The following AGPAT4 variants were observed in gnomAD, a reference collection of about 807,000 sequenced individuals.
The protein encoded by AGPAT4 is 1-acyl-sn-glycerol-3-phosphate acyltransferase delta.
Under a neutral mutation model 48.0 loss-of-function variants are expected in AGPAT4, and 15 were observed. The ratio of observed to expected loss-of-function variants is 0.31; its 90% confidence interval spans 0.21 to 0.48. The LOEUF (loss-of-function observed/expected upper bound fraction) is 0.48. Among genes scored for constraint, AGPAT4 ranks in the 20% least tolerant of loss-of-function variants. The pLI, the probability that AGPAT4 is intolerant of heterozygous loss-of-function variation, is 0.99. For synonymous variants in AGPAT4, 178 were observed against 198.7 expected (o/e 0.90, Z 0.88); for missense variants, 314 against 482.5 (o/e 0.65, Z 3.27).
rs1400211455 is a variant in AGPAT4 at position 161,235,723 on chromosome 6, G to A, written c.-89-3421C>T. On this transcript the variant is annotated intron_variant, in intron 1 of 8. Transcript: ENST00000320285. The surrounding 1 kb of genome is among the most constrained non-coding windows in gnomAD (Gnocchi z 6.2). The stretch of plus-strand genomic sequence containing the variant: ...ACAAGGCAGGAGGAAGAGCGAGAGA[G>A]AGAGAAGGGGGAGGTGCCACACACT... 6.6e-6 allele frequency among the ~76,000 whole-genome samples: 1 copy of A among 152,126 alleles called. No individual in the cohort carries two copies. Among genetic ancestry groups the A allele is most frequent in the Non-Finnish European group, 1.5e-5 (1 of 68,030 alleles).
intron 1 of AGPAT4, among the ~76,000 whole-genome samples, chr6:161,268,783 C>G (rs1448789361): frequency 1.3e-5 from 2 of 152,118 alleles, no homozygotes; most frequent in Non-Finnish European, 2.9e-5. Flanking sequence ...TCATGTTGTC[C>G]ATATAATTTC....
Position 161,184,824 on chromosome 6 carries a change from C to G in AGPAT4, c.179-18407G>C, listed in dbSNP as rs1780722298. On this transcript the variant is annotated intron_variant, in intron 2 of 8. Transcript: ENST00000320285. The surrounding 1 kb of genome is among the most constrained non-coding windows in gnomAD (Gnocchi z 4.8). The stretch of plus-strand genomic sequence containing the variant: ...ATACCATCAGCCCTTAGATTTTGTT[C>G]TCTAAACACCGTACCTGTGGTGTGT... Among the ~76,000 whole-genome samples, 1 of 152,122 alleles carries G rather than the reference C, an allele frequency of 6.6e-6. No individual in the cohort carries two copies. The highest frequency in any genetic ancestry group is 2.1e-4 in the South Asian group (1 of 4,824).
Position 161,243,508 on chromosome 6 carries a change from C to A in AGPAT4, c.-89-11206G>T, listed in dbSNP as rs537878352. On this transcript the variant is annotated intron_variant, in intron 1 of 8. Coordinates refer to ENST00000320285, the MANE Select transcript of AGPAT4 (RefSeq NM_020133.3). The surrounding 1 kb of genome is among the most constrained non-coding windows in gnomAD (Gnocchi z 4.8). ...GTGTGCCCAGAGCCTGCAGGAGAGG[C>A]GCTGTTTCCTAGCTGTGCAATCTTG... Among the ~76,000 whole-genome samples the A allele has an allele frequency of 1.2e-4, 19 of 152,196 alleles. No individual in the cohort carries two copies. Among genetic ancestry groups the A allele is most frequent in the Non-Finnish European group, 2.5e-4 (17 of 68,034 alleles).
rs767170767 is a variant in AGPAT4, at chr6:161,144,134, C to T, written c.843+2390G>A. On this transcript the variant is annotated intron_variant, in intron 7 of 8. Coordinates refer to ENST00000320285, the MANE Select transcript of AGPAT4 (RefSeq NM_020133.3). This position sits in a 1 kb window ranked among gnomAD's most constrained non-coding sequence, Gnocchi z 6.6. Reference sequence around the variant, plus strand: ...AAGGAATTGTCCCTTGATGTCTATTCACCACTCTGCTTGGAGAAACCATGC... The same window carrying T: ...AAGGAATTGTCCCTTGATGTCTATTTACCACTCTGCTTGGAGAAACCATGC... The T allele has an allele frequency of 7.5e-6, 4 of 533,236 alleles. No individual in the cohort carries two copies. Among genetic ancestry groups the T allele is most frequent in the South Asian group, 2.8e-5 (2 of 71,544 alleles). The allele number at this position is 533,236 out of a possible 1,614,324, so 33.0% of individuals were successfully genotyped here. A position where few individuals can be genotyped will look rare whatever the true frequency, so the allele number is the denominator to read the frequency against.
rs1431653378 is a variant in AGPAT4 at position 161,143,455 on chromosome 6, TGAA to T, written c.843+3066_843+3068del. On this transcript the variant is annotated intron_variant, in intron 7 of 8. Transcript: ENST00000320285. This position sits in a 1 kb window ranked among gnomAD's most constrained non-coding sequence, Gnocchi z 4.7. Reference sequence around the variant, plus strand: ...CTTCTGCAAATGTCAAATTACAACCTGAAGAAGTACTTTAAGTTAGAAATGAAA... The same window carrying T: ...CTTCTGCAAATGTCAAATTACAACCTGAAGTACTTTAAGTTAGAAATGAAA... Among the ~76,000 whole-genome samples, 4 of 152,208 alleles carry T rather than the reference TGAA, an allele frequency of 2.6e-5. No homozygotes were observed. Among genetic ancestry groups the T allele is most frequent in the Non-Finnish European group, 5.9e-5 (4 of 68,044 alleles).
intron 1 of AGPAT4, among the ~76,000 whole-genome samples, chr6:161,237,670 T>C (rs1399611285): frequency 6.6e-6 from 1 of 152,244 alleles, no homozygotes; most frequent in African/African-American, 2.4e-5. Context: ...TCTATTACTA[T>C]ATCTATAACT....
At position 161,216,616 on chromosome 6, in the gene AGPAT4, G is replaced by A. The variant is rs1316602501; in HGVS notation, c.178+15420C>T. Among the ~76,000 whole-genome samples the A allele has an allele frequency of 6.6e-6, 1 of 152,094 alleles. No individual in the cohort carries two copies. Among genetic ancestry groups the A allele is most frequent in the African/African-American group, 2.4e-5 (1 of 41,400 alleles). On this transcript the variant is annotated intron_variant, in intron 2 of 8. Coordinates refer to ENST00000320285, the MANE Select transcript of AGPAT4 (RefSeq NM_020133.3). The surrounding 1 kb of genome is among the most constrained non-coding windows in gnomAD (Gnocchi z 4.8). ...TCACACTGCTGCTGAAGACATGCCC[G>A]AAACGAAACCAAAAAAGGTTTAAAA...
At position 161,225,949 on chromosome 6, in the gene AGPAT4, C is replaced by T. The variant is rs994894697; in HGVS notation, c.178+6087G>A. 6.6e-6 allele frequency among the ~76,000 whole-genome samples: 1 copy of T among 152,108 alleles called. No homozygotes were observed. The highest frequency in any genetic ancestry group is 2.4e-5 in the African/African-American group (1 of 41,416). ...GTCTTTTAAATTCCTTTCCATCCGA[C>T]TTGACTCGCCAAAGCCACTGTTGTT... is the stretch of plus-strand genomic sequence containing the variant. On this transcript the variant is annotated intron_variant, in intron 2 of 8. Transcript: ENST00000320285. The surrounding 1 kb of genome is among the most constrained non-coding windows in gnomAD (Gnocchi z 5.0).
Position 161,148,251 on chromosome 6 carries a change from G to A in AGPAT4, c.767+936C>T, listed in dbSNP as rs749011. 1.3e-5 allele frequency among the ~76,000 whole-genome samples: 2 copies of A among 152,140 alleles called. No homozygotes were observed. The highest frequency in any genetic ancestry group is 2.9e-5 in the Non-Finnish European group (2 of 68,034). On this transcript the variant is annotated intron_variant, in intron 6 of 8. Transcript: ENST00000320285. This position sits in a 1 kb window ranked among gnomAD's most constrained non-coding sequence, Gnocchi z 5.5. ...ACAGAACTGAGTCACAGGGCAGACT[G>A]TTGCCTGCACCATCAGACAAGAAGT...
rs1336220582 is a variant in AGPAT4, at chr6:161,246,408, G to A, written c.-89-14106C>T. Among the ~76,000 whole-genome samples, 3 of 149,370 alleles carry A rather than the reference G, an allele frequency of 2.0e-5. No homozygotes were observed. The East Asian group carries it at 5.8e-4, about 29-fold the overall frequency. On this transcript the variant is annotated intron_variant, in intron 1 of 8. Transcript: ENST00000320285. The surrounding 1 kb of genome is among the most constrained non-coding windows in gnomAD (Gnocchi z 5.5). ...ATTAGACTTCTGAGCATAGGCACAG[G>A]GGATTCTTTTTTTTTTTTGAGACAG...
Position 161,270,879 on chromosome 6 carries a change from C to A in AGPAT4, c.-90+3059G>T, listed in dbSNP as rs75039810. On this transcript the variant is annotated intron_variant, in intron 1 of 8. Transcript: ENST00000320285. This position sits in a 1 kb window ranked among gnomAD's most constrained non-coding sequence, Gnocchi z 5.3. ...CACAAAACGTGTGACATTTACCAAA[C>A]CCTCATTTGAGCATCCAATAATTTA... Among the ~76,000 whole-genome samples, 385 of 152,248 alleles carry A rather than the reference C, an allele frequency of 2.5e-3. 2 individuals carry two copies. Among genetic ancestry groups the A allele is most frequent in the African/African-American group, 9.0e-3 (374 of 41,550 alleles).
In AGPAT4 at chr6:161,211,946, G is replaced by C. The variant is rs191602224; in HGVS notation, c.178+20090C>G. Among the ~76,000 whole-genome samples the C allele has an allele frequency of 4.6e-5, 7 of 152,268 alleles. No individual in the cohort carries two copies. In the East Asian group the frequency reaches 1.4e-3, roughly 29 times the overall value. ...AAGCCATTTCAACTCAAGGCCCAGA[G>C]AGTATTGTGGAAGAGGTGGGTGCAT... On this transcript the variant is annotated intron_variant, in intron 2 of 8. Transcript: ENST00000320285.
chr6:161,200,588 C>T lies in AGPAT4; in HGVS notation c.178+31448G>A, dbSNP rs756161470. Among the ~76,000 whole-genome samples, 11 of 152,166 alleles carry T rather than the reference C, an allele frequency of 7.2e-5. No homozygotes were observed. The highest frequency in any genetic ancestry group is 1.3e-4 in the Admixed American group (2 of 15,282). On this transcript the variant is annotated intron_variant, in intron 2 of 8. Coordinates refer to ENST00000320285, the MANE Select transcript of AGPAT4 (RefSeq NM_020133.3). The surrounding 1 kb of genome is among the most constrained non-coding windows in gnomAD (Gnocchi z 5.5). ...GTAGCGTAATCTCATTTTTTGATTG[C>T]TCAGGATTACTCTAGAAAGAATTAT...
chr6:161,170,284 A>G (rs143921471), intron 2 of AGPAT4, among the ~76,000 whole-genome samples: 196 of 152,260 alleles, frequency 1.3e-3, no homozygotes, highest in Middle Eastern at 0.01. Flanking sequence ...AATAAGGCCA[A>G]TGAGATGATG....
chr6:161,156,578 C>T (rs1377611670), intron 3 of AGPAT4, among the ~76,000 whole-genome samples: 1 of 152,188 alleles, frequency 6.6e-6, no homozygotes, highest in African/African-American at 2.4e-5. Context: ...GAGTCTATAG[C>T]ATTATTATGA....
At position 161,149,219 on chromosome 6, in the gene AGPAT4, G is replaced by A. The variant is rs114126692; in HGVS notation, c.735C>T (p.Asn245=). ...ACAAATCTGCATGGTATTTCTTTCC[G>A]TTTAGGACTCCCAGCAGTGTTGGAT... ...NENPTLLGVL[N]GKKYHADLYV... Residue 245 remains asparagine (N), a synonymous_variant, in exon 6 of 9, where the codon AAC becomes AAT. Transcript: ENST00000320285. This position sits in a 1 kb window ranked among gnomAD's most constrained non-coding sequence, Gnocchi z 6.5. 121 of 1,613,512 alleles carry A rather than the reference G, an allele frequency of 7.5e-5. 1 individual carries two copies. Among genetic ancestry groups the A allele is most frequent in the Middle Eastern group, 3.3e-4 (2 of 6,082 alleles).
chr6:161,130,743 T>TTGTA lies in AGPAT4; in HGVS notation c.*5793_*5796dup. 2.2e-6 allele frequency: 1 copy of TTGTA among 451,226 alleles called. No homozygotes were observed. The highest frequency in any genetic ancestry group is 2.0e-5 in the African/African-American group (1 of 50,736). The allele number at this position is 451,226 out of a possible 1,614,324, so 28.0% of individuals were successfully genotyped here. ...TCAGATGCGAGTAAGGAAGCTCCAG[T>TTGTA]TGTAGCCTTGGCACAGCTGAGGCCA... On this transcript the variant is annotated 3_prime_UTR_variant, in exon 9 of 9. Transcript: ENST00000320285.
intron 2 of AGPAT4, among the ~76,000 whole-genome samples, chr6:161,207,068 T>A (rs1336120937): frequency 1.3e-5 from 2 of 152,236 alleles, no homozygotes; most frequent in African/African-American, 4.8e-5. Flanking sequence ...AGCTACTGGC[T>A]AGGGACTTTT....
intron 2 of AGPAT4, among the ~76,000 whole-genome samples, chr6:161,192,341 G>C (rs1022231224): frequency 6.6e-6 from 1 of 151,872 alleles, no homozygotes; most frequent in African/African-American, 2.4e-5. Context: ...AGTAGAAACG[G>C]GGTTCCCCCA....
Sources: allele counts gnomAD v4.1 joint callset (sites outside exome capture counted in the v4.1 genomes callset), GRCh38; gene constraint gnomAD v4.1.1; non-coding constraint Gnocchi (gnomAD v3.1); transcripts MANE v1.5; gene names NCBI Gene and HGNC (gene_info 2026-07-23, HGNC 2026-07-21).